PMPCB: variants seen among roughly 807,000 people sequenced by gnomAD.
PMPCB encodes the protein peptidase, mitochondrial processing subunit beta.
Under a neutral mutation model 61.5 loss-of-function variants are expected in PMPCB, and 46 were observed. The ratio of observed to expected loss-of-function variants is 0.75; its 90% CI spans 0.59 to 0.96. The LOEUF is 0.96. Among genes scored for constraint, PMPCB ranks in the 40% least tolerant of loss-of-function variants. The pLI, the probability that PMPCB is intolerant of heterozygous loss-of-function variation, is 0.00. For synonymous variants in PMPCB, 191 were observed against 201.6 expected (o/e 0.95, Z 0.44); for missense variants, 590 against 602.4 (o/e 0.98, Z 0.22).
At position 103,311,684 on chromosome 7, in the gene PMPCB, G is replaced by A. The variant is rs951007403; in HGVS notation, c.1196G>A (p.Arg399Gln). ...AGTGTCACAGAAAGTGAGGTTGCAC[G>A]AGCCAGAAATCTTCTGAAAACAAAC... ...CTSVTESEVA[R>Q]ARNLLKTNML... The change falls in exon 10 of 13, where the codon CGA (arginine) becomes CAA (glutamine). Residue 399 changes from arginine to glutamine, a missense_variant. Transcript: ENST00000249269. 1.4e-5 allele frequency: 22 copies of A among 1,613,952 alleles called. No individual in the cohort carries two copies. The highest frequency in any genetic ancestry group is 2.2e-5 in the East Asian group (1 of 44,880).
intron 7 of PMPCB, among the ~76,000 whole-genome samples, chr7:103,308,602 G>C (rs765522385): frequency 4.1e-4 from 62 of 152,290 alleles, no homozygotes; most frequent in African/African-American, 1.3e-3. Flanking sequence ...CTGGGCGACA[G>C]AGTGAGACTC....
rs138186996 is a variant in PMPCB, at chr7:103,298,604, C to T, written c.136C>T (p.Gln46Ter). The change falls in exon 2 of 13, where the codon CAG becomes TAG. Residue 46 changes from glutamine (Q) to a stop codon, truncating the protein, a stop_gained. Coordinates refer to ENST00000249269, the MANE Select transcript of PMPCB (RefSeq NM_004279.3). LOFTEE classifies it high-confidence loss of function. ...YFGENRLRST[Q>*]AATQVVLNVP... is the part of the protein sequence containing the mutation. The stretch of plus-strand genomic sequence containing the variant: ...TGGAGAGAACAGATTAAGAAGTACA[C>T]AGGCTGCTACCCAAGTTGTTCTGAA... 1 of 1,613,940 alleles carries T rather than the reference C, an allele frequency of 6.2e-7. No homozygotes were observed. Among genetic ancestry groups the T allele is most frequent in the South Asian group, 1.1e-5 (1 of 91,078 alleles).
the PMPCB span, chr7:103,336,834 T>G: frequency 4.6e-5 from 7 of 152,252 alleles, no homozygotes; most frequent in African/African-American, 1.7e-4. Flanking sequence ...TTAAAAAATA[T>G]TTCCTGTGAT....
intron 4 of PMPCB, among the ~76,000 whole-genome samples, chr7:103,303,137 A>T (rs536533916): frequency 2.6e-5 from 4 of 152,172 alleles, no homozygotes; most frequent in Non-Finnish European, 4.4e-5. Context: ...TTTAGATTGT[A>T]AGGATTCTTT....
intron 3 of PMPCB, among the ~76,000 whole-genome samples, chr7:103,299,794 A>G (rs1817399023): frequency 6.6e-6 from 1 of 152,150 alleles, no homozygotes; most frequent in Non-Finnish European, 1.5e-5. Flanking sequence ...TTTTTGAGAT[A>G]GGATCTGGCT....
chr7:103,331,921 A>G (rs1012942711), downstream of PMPCB, among the ~76,000 whole-genome samples: 4 of 152,150 alleles, frequency 2.6e-5, no homozygotes, highest in African/African-American at 7.2e-5. Flanking sequence ...ATTTTTTGAG[A>G]AATCTCCATA....
At chr7:103,343,278 G>A in the PMPCB span, among the ~76,000 whole-genome samples, 1 of 152,176 alleles carries the variant, frequency 6.6e-6, no homozygotes, top group Non-Finnish European at 1.5e-5. Context: ...TGGGATTATA[G>A]ACGTGAGCCA....
chr7:103,301,975 C>T (rs897168776), intron 4 of PMPCB, among the ~76,000 whole-genome samples: 3 of 152,048 alleles, frequency 2.0e-5, no homozygotes, highest in African/African-American at 7.2e-5. Context: ...CGACAGGCTC[C>T]GGTGTGTGAT....
the PMPCB span, among the ~76,000 whole-genome samples, chr7:103,346,538 T>C: frequency 6.6e-6 from 1 of 152,254 alleles, no homozygotes; most frequent in African/African-American, 2.4e-5. Context: ...CACATTATTG[T>C]GTAACCACCC....
rs964351827 is a variant in PMPCB, at chr7:103,298,788, G to T, written c.240+80G>T. On this transcript the variant is annotated intron_variant, in intron 2 of 12. Transcript: ENST00000249269. ...GTTGATTTTAATCTTTAGCTTTTTC[G>T]TTGGCTGGTGGTTCAAAAAGGGTGA... 21 of 1,367,056 alleles carry T rather than the reference G, an allele frequency of 1.5e-5. No homozygotes were observed. The Admixed American group carries it at 2.0e-4, about 13-fold the overall frequency. 84.7% of individuals were successfully genotyped at this position (1,367,056 alleles called of 1,614,324 possible). A position where few individuals can be genotyped will look rare whatever the true frequency, so the allele number is the denominator to read the frequency against.
chr7:103,333,734 G>T (rs957015101), downstream of PMPCB, among the ~76,000 whole-genome samples: 1 of 152,190 alleles, frequency 6.6e-6, no homozygotes, highest in Non-Finnish European at 1.5e-5. Flanking sequence ...TGAGCTTCAA[G>T]TAGATGTAAC....
downstream of PMPCB, chr7:103,316,581 C>T: frequency 4.5e-6 from 2 of 444,190 alleles, no homozygotes; most frequent in Non-Finnish European, 7.9e-6. Flanking sequence ...CAACATAAAT[C>T]AAGACTTGTC....
chr7:103,313,091 T>C lies in PMPCB; in HGVS notation c.*820T>C. The stretch of plus-strand genomic sequence containing the variant: ...CTTCTGTTGTCCAAGGGGTGAAGTC[T>C]GTATATGGACCTGATTAAGAAAAAT... On this transcript the variant is annotated 3_prime_UTR_variant, in exon 13 of 13. Coordinates refer to ENST00000249269, the MANE Select transcript of PMPCB (RefSeq NM_004279.3). 6.2e-7 allele frequency: 1 copy of C among 1,612,066 alleles called. No individual in the cohort carries two copies. The highest frequency in any genetic ancestry group is 1.1e-5 in the South Asian group (1 of 90,790).
At chr7:103,302,708 AT>A (rs1477833173) in intron 4 of PMPCB, among the ~76,000 whole-genome samples, 1 of 152,212 alleles carries the variant, frequency 6.6e-6, no homozygotes, top group Non-Finnish European at 1.5e-5. Flanking sequence ...AGTGAACTTA[AT>A]TAAAACAAGC....
downstream of PMPCB, among the ~76,000 whole-genome samples, chr7:103,318,869 G>A (rs1818222220): frequency 6.6e-6 from 1 of 152,160 alleles, no homozygotes; most frequent in Non-Finnish European, 1.5e-5. Context: ...ACTAAGTATG[G>A]TAAAAACCAT....
chr7:103,298,510 T>A (rs1817355213), intron 1 of PMPCB, 58 bp from the exon 2 acceptor site: 1 of 1,513,220 alleles, frequency 6.6e-7, no homozygotes, highest in South Asian at 1.2e-5. Context: ...AAGCAACATT[T>A]AATATCAGAT....
chr7:103,301,936 C>T (rs545675489), intron 4 of PMPCB, among the ~76,000 whole-genome samples: 6 of 152,190 alleles, frequency 3.9e-5, no homozygotes, highest in Admixed American at 1.3e-4. Context: ...TATCTCCTAA[C>T]GCTATCCCTC....
chr7:103,307,519 T>C, intron 6 of PMPCB, 77 bp from the exon 7 acceptor site: 1 of 822,602 alleles, frequency 1.2e-6, no homozygotes, highest in Non-Finnish European at 2.1e-6. Context: ...GTAATGTACA[T>C]CACATTATAC....
the PMPCB span, chr7:103,336,510 A>AT: frequency 6.6e-6 from 1 of 151,984 alleles, no homozygotes; most frequent in Non-Finnish European, 1.5e-5. Flanking sequence ...CACCCAGCTA[A>AT]TTTTTTTGTA....
Sources: gnomAD v4.1 joint callset for allele counts (sites outside exome capture counted in the v4.1 genomes callset) on GRCh38, gnomAD v4.1.1 for gene constraint, MANE v1.5 for transcripts, NCBI Gene and HGNC (gene_info 2026-07-23, HGNC 2026-07-21) for gene names.